The following CSMD1 variants were observed in gnomAD, a reference collection of about 807,000 sequenced individuals.
CSMD1 encodes the protein CUB and Sushi multiple domains 1.
In CSMD1, 213 loss-of-function variants were observed where a neutral mutation model predicts 417.5. The observed-to-expected ratio is 0.51, with a 90% CI of 0.46 to 0.57. CSMD1 has a LOEUF of 0.57. Ranked by LOEUF, CSMD1 falls within the 20% of genes least tolerant of loss-of-function variation. CSMD1 has a pLI of 0.00. For synonymous variants in CSMD1, 2,862 were observed against 1,736.8 expected (o/e 1.65, Z -16.11); for missense variants, 6,923 against 4,529.7 (o/e 1.53, Z -15.17).
intron 5 of CSMD1, among the ~76,000 whole-genome samples, chr8:3,895,405 G>C (rs745903690): frequency 3.3e-5 from 5 of 152,028 alleles, no homozygotes; most frequent in African/African-American, 9.7e-5. Flanking sequence ...TGTGATTGTG[G>C]GTTTCTGTGG....
chr8:4,096,977 C>T (rs1449292621), intron 3 of CSMD1, among the ~76,000 whole-genome samples: 1 of 152,168 alleles, frequency 6.6e-6, no homozygotes, highest in South Asian at 2.1e-4. Flanking sequence ...TGAGTAAATT[C>T]AAAGGGATGG....
chr8:4,448,905 A>C (rs1163344849), intron 2 of CSMD1, among the ~76,000 whole-genome samples: 4 of 152,208 alleles, frequency 2.6e-5, no homozygotes, highest in Non-Finnish European at 5.9e-5. Flanking sequence ...ATGCACACAT[A>C]TTTCATCTAT....
chr8:3,000,108 G>C lies in CSMD1; in HGVS notation c.8053C>G (p.Pro2685Ala). Reference protein sequence around the residue: ...CLAGHCGSPDPIVNGHISGDG... With the variant: ...CLAGHCGSPDAIVNGHISGDG... ...CCACTAATGTGACCGTTCACAATCG[G>C]GTCTGGGGAACCGCAGTGGCCAGCT... The change falls in exon 53 of 70, where the codon CCG (proline) becomes GCG (alanine). Residue 2685 changes from proline (P) to alanine (A), a missense_variant. Pro to Ala is a conservative substitution (Grantham distance 27). Coordinates refer to ENST00000635120, the MANE Select transcript of CSMD1 (RefSeq NM_033225.6). The C allele has an allele frequency of 6.4e-7, 1 of 1,557,512 alleles. No individual in the cohort carries two copies. The highest frequency in any genetic ancestry group is 8.7e-7 in the Non-Finnish European group (1 of 1,150,112).
rs535214009 is a variant in CSMD1, at chr8:3,760,831, A to G, written c.819-6789T>C. On this transcript the variant is annotated intron_variant, in intron 5 of 69. Transcript: ENST00000635120. ...GATGACTCAGAAGCCAGAAAGCATT[A>G]CTGCTATTGGGAGAGGCTTTAAATG... Among the ~76,000 whole-genome samples, 27 of 152,328 alleles carry G rather than the reference A, an allele frequency of 1.8e-4. No homozygotes were observed. The South Asian group carries it at 4.8e-3, about 27-fold the overall frequency.
At chr8:3,241,050 T>C (rs1312694151) in intron 26 of CSMD1, among the ~76,000 whole-genome samples, 1 of 148,670 alleles carries the variant, frequency 6.7e-6, no homozygotes, top group Non-Finnish European at 1.5e-5. Context: ...AGGTATCTCA[T>C]ACTTGTGGGT....
intron 26 of CSMD1, among the ~76,000 whole-genome samples, chr8:3,267,989 C>G (rs1027048271): frequency 6.6e-6 from 1 of 152,104 alleles, no homozygotes; most frequent in Non-Finnish European, 1.5e-5. Flanking sequence ...AGGGTCATTG[C>G]CCTGTGTGGG....
chr8:3,980,957 G>A (rs893330410), intron 5 of CSMD1, among the ~76,000 whole-genome samples: 12 of 152,152 alleles, frequency 7.9e-5, no homozygotes, highest in African/African-American at 2.9e-4. Flanking sequence ...CCCATAAAGA[G>A]TAGGGGCCCT....
At chr8:3,610,506 T>C (rs1801839002) in intron 8 of CSMD1, among the ~76,000 whole-genome samples, 1 of 77,386 alleles carries the variant, frequency 1.3e-5, no homozygotes, top group Non-Finnish European at 3.2e-5. Flanking sequence ...AAGTAACAGA[T>C]TGTCTCTATA....
At chr8:3,942,666 G>A (rs1351006994) in intron 5 of CSMD1, among the ~76,000 whole-genome samples, 1 of 152,118 alleles carries the variant, frequency 6.6e-6, no homozygotes, top group African/African-American at 2.4e-5. Context: ...AACTGTTTAT[G>A]ATTTATAGGT....
rs767169239 is a variant in CSMD1, at chr8:3,157,879, C to G, written c.5914+18G>C. On this transcript the variant is annotated intron_variant, in intron 39 of 69. Transcript: ENST00000635120. ...CAGTGTGTGCGCAGCAGCAGAGTTA[C>G]AGAAGGTGCATCCTTACCAATGCAC... 7.7e-5 allele frequency: 119 copies of G among 1,547,314 alleles called. No homozygotes were observed. The highest frequency in any genetic ancestry group is 9.9e-5 in the Non-Finnish European group (113 of 1,142,838).
chr8:3,429,051 G>C (rs543398231), intron 12 of CSMD1, among the ~76,000 whole-genome samples: 1 of 152,256 alleles, frequency 6.6e-6, no homozygotes, highest in East Asian at 1.9e-4. Context: ...AGGAGGACAG[G>C]AATGGGGAGA....
intron 1 of CSMD1, among the ~76,000 whole-genome samples, chr8:4,810,529 G>A (rs889808685): frequency 2.3e-5 from 3 of 133,296 alleles, no homozygotes; most frequent in Non-Finnish European, 4.6e-5. Context: ...AAATACACGT[G>A]TGTGTGTGTG....
rs889674658 is a variant in CSMD1 at position 4,685,365 on chromosome 8, G to C, written c.86-47807C>G. Among the ~76,000 whole-genome samples the C allele has an allele frequency of 5.3e-5, 8 of 152,126 alleles. No individual in the cohort carries two copies. The South Asian group carries it at 6.2e-4, about 12-fold the overall frequency. On this transcript the variant is annotated intron_variant, in intron 1 of 69. Transcript: ENST00000635120. ...GAGGCAGGCAGATCACCTTAGGTCA[G>C]GAGTTCGAGACCAGCCTGGCCAACA...
chr8:4,217,319 G>A (rs994446596), intron 3 of CSMD1, among the ~76,000 whole-genome samples: 3 of 152,196 alleles, frequency 2.0e-5, no homozygotes, highest in Non-Finnish European at 4.4e-5. Context: ...AATCCCCTGT[G>A]TGCCAGGTGC....
intron 26 of CSMD1, among the ~76,000 whole-genome samples, chr8:3,235,429 A>C (rs1227445683): frequency 1.3e-5 from 2 of 152,192 alleles, no homozygotes; most frequent in Non-Finnish European, 2.9e-5. Context: ...TGCAAAAAAT[A>C]AGTGCTCTGT....
intron 3 of CSMD1, among the ~76,000 whole-genome samples, chr8:4,062,921 A>G (rs2552167): frequency 0.068 from 10,288 of 151,904 alleles, 531 homozygotes; most frequent in East Asian, 0.29. Context: ...ATTGCAAAAA[A>G]AAAAAATTCT....
intron 2 of CSMD1, among the ~76,000 whole-genome samples, chr8:4,560,762 CAG>C (rs1798294136): frequency 6.6e-6 from 1 of 152,228 alleles, no homozygotes; most frequent in Non-Finnish European, 1.5e-5. Flanking sequence ...TCCTATTCTT[CAG>C]AGTGCTGCAC....
chr8:3,304,530 G>A (rs980347463), intron 25 of CSMD1, among the ~76,000 whole-genome samples: 3 of 152,090 alleles, frequency 2.0e-5, no homozygotes, highest in Non-Finnish European at 4.4e-5. Flanking sequence ...GTCAATTGAG[G>A]AAATTAAGGA....
chr8:4,701,556 C>A (rs1807554759), intron 1 of CSMD1, among the ~76,000 whole-genome samples: 1 of 152,002 alleles, frequency 6.6e-6, no homozygotes, highest in South Asian at 2.1e-4. Context: ...GGGAGCAATA[C>A]AGTACTGATT....
Sources: allele counts gnomAD v4.1 joint callset (sites outside exome capture counted in the v4.1 genomes callset), GRCh38; gene constraint gnomAD v4.1.1; transcripts MANE v1.5; gene names NCBI Gene and HGNC (gene_info 2026-07-23, HGNC 2026-07-21).